Variants in FAT3 observed in about 807,000 individuals in gnomAD.
The protein encoded by FAT3 is FAT atypical cadherin 3.
FAT3 carries 95 observed loss-of-function variants against 310.2 expected under a neutral mutation model. The observed-to-expected ratio is 0.31, with a 90% CI of 0.26 to 0.36. The LOEUF (loss-of-function observed/expected upper bound fraction) is 0.36. FAT3 is among the 10% of genes least tolerant of loss of function. FAT3 has a pLI of 1.00. For missense variants in FAT3, 5,408 were observed against 5,715.6 expected (o/e 0.95, Z 1.74); for synonymous variants, 2,314 against 2,192.9 (o/e 1.06, Z -1.54).
intron 3 of FAT3, among the ~76,000 whole-genome samples, chr11:92,582,089 A>G (rs1210844982): frequency 6.6e-6 from 1 of 151,992 alleles, no homozygotes; most frequent in East Asian, 1.9e-4. Context: ...TAACTTCCTG[A>G]CGTTGTCATG....
chr11:92,289,206 G>C (rs544870167), intron 1 of FAT3, among the ~76,000 whole-genome samples: 6 of 152,216 alleles, frequency 3.9e-5, no homozygotes, highest in Admixed American at 2.0e-4. Context: ...TAGAAATTTA[G>C]TTTTTGAAGG....
Position 92,282,502 on chromosome 11 carries a change from T to C in FAT3, c.-18+57328T>C, listed in dbSNP as rs551533815. On this transcript the variant is annotated intron_variant, in intron 1 of 27. Coordinates refer to ENST00000525166, the MANE Select transcript of FAT3 (RefSeq NM_001367949.2). ...CAACATGGTGAAAACTCATCTCTAC[T>C]AAAAAGTACAAAATCAGCTGGGTGT... is the stretch of plus-strand genomic sequence containing the variant. 5.9e-5 allele frequency among the ~76,000 whole-genome samples: 9 copies of C among 152,022 alleles called. No individual in the cohort carries two copies. In the East Asian group the frequency reaches 1.8e-3, roughly 30 times the overall value.
chr11:92,686,400 T>C (rs1943635904), intron 3 of FAT3, among the ~76,000 whole-genome samples: 1 of 152,180 alleles, frequency 6.6e-6, no homozygotes, highest in Non-Finnish European at 1.5e-5. Flanking sequence ...ATTGAAGTGC[T>C]CTGCAAATGG....
At chr11:92,879,052 G>A (rs1317194271) in intron 22 of FAT3, among the ~76,000 whole-genome samples, 5 of 148,854 alleles carry the variant, frequency 3.4e-5, no homozygotes, top group African/African-American at 1.3e-4. Context: ...GTTAAAGAGA[G>A]GGGAAAAAAA....
chr11:92,510,384 A>G (rs770081623), intron 2 of FAT3, among the ~76,000 whole-genome samples: 3 of 152,142 alleles, frequency 2.0e-5, no homozygotes, highest in Non-Finnish European at 2.9e-5. Context: ...CCACCAGAGA[A>G]AGGATTTGAG....
chr11:92,541,242 C>A (rs561287214), intron 3 of FAT3, among the ~76,000 whole-genome samples: 5 of 152,194 alleles, frequency 3.3e-5, no homozygotes, highest in Admixed American at 2.6e-4. Flanking sequence ...ACTTTATACT[C>A]AACAGATGCT....
At chr11:92,807,598 C>A (rs1418382333) in intron 12 of FAT3, among the ~76,000 whole-genome samples, 1 of 152,138 alleles carries the variant, frequency 6.6e-6, no homozygotes, top group Non-Finnish European at 1.5e-5. Flanking sequence ...GCCACGAAAA[C>A]CAGACAGCAA....
intron 2 of FAT3, among the ~76,000 whole-genome samples, chr11:92,466,514 G>A (rs1320964000): frequency 2.6e-5 from 4 of 151,210 alleles, no homozygotes; most frequent in African/African-American, 9.7e-5. Context: ...CTGTCCACTC[G>A]CCTGGCCAGG....
intron 2 of FAT3, among the ~76,000 whole-genome samples, chr11:92,427,170 CTCTG>C (rs1296982216): frequency 2.6e-5 from 4 of 151,882 alleles, no homozygotes; most frequent in Non-Finnish European, 5.9e-5. Flanking sequence ...TGATTTGGCT[CTCTG>C]TCTATTATTA....
At chr11:92,744,345 T>C (rs1262199752) in intron 4 of FAT3, among the ~76,000 whole-genome samples, 2 of 152,194 alleles carry the variant, frequency 1.3e-5, no homozygotes, top group African/African-American at 4.8e-5. Context: ...CATTAAAGTG[T>C]ACATACTGTC....
rs202096902 is a variant in FAT3 at position 92,801,628 on chromosome 11, C to T, written c.8615C>T (p.Thr2872Met). 13 of 1,613,704 alleles carry T rather than the reference C, an allele frequency of 8.1e-6. No individual in the cohort carries two copies. The highest frequency in any genetic ancestry group is 3.3e-5 in the Admixed American group (2 of 59,994). ...VMEAFNIDSN[T>M]GWISTLKDLD... is the part of the protein sequence containing the mutation. ...GAAGCATTCAATATTGACAGCAACA[C>T]GGGCTGGATCAGTACCTTGAAGGAC... Residue 2872 changes from threonine to methionine, a missense_variant, in exon 10 of 28, where the codon ACG becomes ATG. Thr to Met is a moderately conservative substitution (Grantham distance 81, BLOSUM62 -1). Coordinates refer to ENST00000525166, the MANE Select transcript of FAT3 (RefSeq NM_001367949.2).
At chr11:92,590,633 T>G (rs543748705) in intron 3 of FAT3, among the ~76,000 whole-genome samples, 1 of 152,268 alleles carries the variant, frequency 6.6e-6, no homozygotes, top group East Asian at 1.9e-4. Context: ...AACAAGTACT[T>G]AAAAACTAAT....
At chr11:92,322,522 CATGCG>C (rs1234681298) in intron 1 of FAT3, among the ~76,000 whole-genome samples, 1 of 152,196 alleles carries the variant, frequency 6.6e-6, no homozygotes, top group Admixed American at 6.5e-5. Context: ...TCCTCTGTAG[CATGCG>C]ATGCTGTTTG....
At chr11:92,505,737 G>A (rs1320444608) in intron 2 of FAT3, among the ~76,000 whole-genome samples, 1 of 152,134 alleles carries the variant, frequency 6.6e-6, no homozygotes, top group East Asian at 1.9e-4. Flanking sequence ...GTTAATAGAT[G>A]TGATAAATGA....
intron 1 of FAT3, among the ~76,000 whole-genome samples, chr11:92,287,123 A>C (rs1180736247): frequency 6.6e-6 from 1 of 152,170 alleles, no homozygotes; most frequent in Non-Finnish European, 1.5e-5. Context: ...AGTGCTTTGC[A>C]GGTGTATCTT....
At chr11:92,443,552 C>A (rs1245885723) in intron 2 of FAT3, among the ~76,000 whole-genome samples, 1 of 152,196 alleles carries the variant, frequency 6.6e-6, no homozygotes, top group Non-Finnish European at 1.5e-5. Context: ...GTCTCTTACA[C>A]ATGAGAATTG....
rs1264750407 is a variant in FAT3, at chr11:92,883,485, C to T, written c.12937+92C>T. ...GACGCTACGGGAAGGGAGAGAGACC[C>T]CGCATGCAGAGCATTCGCTATGACA... On this transcript the variant is annotated intron_variant, in intron 24 of 27. Transcript: ENST00000525166. This position sits in a 1 kb window ranked among gnomAD's most constrained non-coding sequence, Gnocchi z 4.2. 1 of 1,447,674 alleles carries T rather than the reference C, an allele frequency of 6.9e-7. No homozygotes were observed. Among genetic ancestry groups the T allele is most frequent in the Non-Finnish European group, 9.3e-7 (1 of 1,080,738 alleles). The allele number at this position is 1,447,674 out of a possible 1,614,324, so 89.7% of individuals were successfully genotyped here. A position where few individuals can be genotyped will look rare whatever the true frequency, so the allele number is the denominator to read the frequency against.
chr11:92,513,734 T>G (rs1392397726), intron 2 of FAT3, among the ~76,000 whole-genome samples: 1 of 152,278 alleles, frequency 6.6e-6, no homozygotes, highest in East Asian at 1.9e-4. Flanking sequence ...GTGAACAGAC[T>G]CTGTTAGAAG....
chr11:92,299,188 G>C (rs1946927677), intron 1 of FAT3, among the ~76,000 whole-genome samples: 1 of 152,052 alleles, frequency 6.6e-6, no homozygotes. Flanking sequence ...TAATGGTGGG[G>C]TACAAGATGG....
Sources: allele counts gnomAD v4.1 joint callset (sites outside exome capture counted in the v4.1 genomes callset), GRCh38; gene constraint gnomAD v4.1.1; non-coding constraint Gnocchi (gnomAD v3.1); transcripts MANE v1.5; gene names NCBI Gene and HGNC (gene_info 2026-07-23, HGNC 2026-07-21).